Variants in TBC1D22A observed in about 807,000 individuals in gnomAD.
The protein encoded by TBC1D22A is putative GTPase activator.
In TBC1D22A, 38 loss-of-function variants were observed where a neutral mutation model predicts 60.2. That is an observed-to-expected ratio of 0.63 (90% CI 0.49 to 0.83). The LOEUF (loss-of-function observed/expected upper bound fraction) is 0.83. TBC1D22A is among the 40% of genes least tolerant of loss of function. TBC1D22A has a pLI of 0.00. For missense variants in TBC1D22A, 628 were observed against 701.0 expected, an observed-to-expected ratio of 0.90 and a Z score of 1.18; for synonymous variants, 302 against 281.7, an observed-to-expected ratio of 1.07 and a Z score of -0.72.
At chr22:46,880,224 A>C (rs1199224874) in intron 5 of TBC1D22A, among the ~76,000 whole-genome samples, 1 of 152,242 alleles carries the variant, frequency 6.6e-6, no homozygotes, top group Non-Finnish European at 1.5e-5. Context: ...CCATCAGTAC[A>C]TGTAAGAAGT....
chr22:47,139,858 C>T (rs1601642106), intron 12 of TBC1D22A, among the ~76,000 whole-genome samples: 1 of 152,256 alleles, frequency 6.6e-6, no homozygotes, highest in Non-Finnish European at 1.5e-5. Flanking sequence ...TTAATTCCTG[C>T]CAGTCCGTGA....
intron 4 of TBC1D22A, among the ~76,000 whole-genome samples, chr22:46,804,450 AC>A (rs1301544129): frequency 6.6e-6 from 1 of 152,172 alleles, no homozygotes; most frequent in African/African-American, 2.4e-5. Flanking sequence ...ATCAGTTCTT[AC>A]CAGTTTTTCA....
chr22:47,032,717 G>A (rs28413116), intron 10 of TBC1D22A, among the ~76,000 whole-genome samples: 4,546 of 152,324 alleles, frequency 0.03, 111 homozygotes, highest in South Asian at 0.087. Context: ...CAGTGTGGCC[G>A]TGTGTCCCAG....
At chr22:47,046,390 G>A (rs1032377906) in intron 11 of TBC1D22A, among the ~76,000 whole-genome samples, 15 of 152,194 alleles carry the variant, frequency 9.9e-5, no homozygotes, top group Non-Finnish European at 1.5e-5. Context: ...GGCAGTCTAG[G>A]AATGCTTTGG....
At chr22:46,860,486 C>G (rs1352529752) in intron 4 of TBC1D22A, among the ~76,000 whole-genome samples, 1 of 103,350 alleles carries the variant, frequency 9.7e-6, no homozygotes, top group Non-Finnish European at 1.9e-5. Flanking sequence ...TGTGCCCCTT[C>G]CCGGGACCAG....
At chr22:47,133,202 G>A (rs187486217) in intron 12 of TBC1D22A, among the ~76,000 whole-genome samples, 12 of 152,360 alleles carry the variant, frequency 7.9e-5, no homozygotes, top group Admixed American at 7.8e-4. Context: ...TCCCAAGTGT[G>A]CACAGGGACA....
At chr22:46,864,186 G>T (rs942878708) in intron 4 of TBC1D22A, among the ~76,000 whole-genome samples, 1 of 152,190 alleles carries the variant, frequency 6.6e-6, no homozygotes, top group African/African-American at 2.4e-5. Context: ...TAAAGCTAGA[G>T]AAGTTATTTT....
chr22:47,024,964 T>A (rs1238333013), intron 10 of TBC1D22A, among the ~76,000 whole-genome samples: 1 of 152,210 alleles, frequency 6.6e-6, no homozygotes, highest in Non-Finnish European at 1.5e-5. Context: ...AAAACGGTAA[T>A]GTCTATATTA....
chr22:46,954,702 G>T (rs1210413165), intron 8 of TBC1D22A, among the ~76,000 whole-genome samples: 1 of 152,168 alleles, frequency 6.6e-6, no homozygotes, highest in Non-Finnish European at 1.5e-5. Flanking sequence ...CGTTTGGGCT[G>T]GAGTGAAATG....
At chr22:47,083,988 A>G (rs1000563160) in intron 11 of TBC1D22A, among the ~76,000 whole-genome samples, 2 of 152,168 alleles carry the variant, frequency 1.3e-5, no homozygotes, top group Non-Finnish European at 2.9e-5. Flanking sequence ...AAGAGGCAAA[A>G]TAGGAGTGAT....
At position 46,774,193 on chromosome 22, in the gene TBC1D22A, C is replaced by G. The variant is rs879899144; in HGVS notation, c.62+11345C>G. 495 of 985,542 alleles carry G rather than the reference C, an allele frequency of 5.0e-4. 1 individual carries two copies. The highest frequency in any genetic ancestry group is 5.8e-4 in the Non-Finnish European group (480 of 830,014). 61.0% of individuals were successfully genotyped at this position (985,542 alleles called of 1,614,324 possible). On this transcript the variant is annotated intron_variant, in intron 1 of 12. Transcript: ENST00000337137. ...CTGGCTCCTCCAGGCTGGGGGAAAA[C>G]CAGGCTTGCTGTGCTCGGCAGCAGA...
At chr22:46,973,906 C>G (rs2074180743) in intron 8 of TBC1D22A, among the ~76,000 whole-genome samples, 1 of 152,082 alleles carries the variant, frequency 6.6e-6, no homozygotes, top group Non-Finnish European at 1.5e-5. Context: ...GAATTATTGC[C>G]AAATGAATAT....
chr22:47,017,578 G>C (rs776548938), intron 10 of TBC1D22A, among the ~76,000 whole-genome samples: 4 of 152,172 alleles, frequency 2.6e-5, no homozygotes, highest in Non-Finnish European at 4.4e-5. Context: ...TGTGCCATGG[G>C]AATGCCAGGT....
intron 8 of TBC1D22A, among the ~76,000 whole-genome samples, chr22:46,945,856 A>T (rs368664301): frequency 6.6e-6 from 1 of 152,326 alleles, no homozygotes. Context: ...AGCTCAAAAT[A>T]AATGGCAGTG....
chr22:46,861,552 A>G (rs2087887720), intron 4 of TBC1D22A, among the ~76,000 whole-genome samples: 1 of 151,948 alleles, frequency 6.6e-6, no homozygotes, highest in African/African-American at 2.4e-5. Flanking sequence ...GTGGTTCTTG[A>G]ATTTGTCTCT....
intron 8 of TBC1D22A, among the ~76,000 whole-genome samples, chr22:46,918,357 G>A (rs1041790794): frequency 2.6e-5 from 4 of 152,208 alleles, no homozygotes; most frequent in Non-Finnish European, 4.4e-5. Flanking sequence ...CCCACACAGC[G>A]ATGTCCTCCA....
At chr22:47,049,257 C>T (rs1437606383) in intron 11 of TBC1D22A, among the ~76,000 whole-genome samples, 1 of 152,182 alleles carries the variant, frequency 6.6e-6, no homozygotes, top group African/African-American at 2.4e-5. Flanking sequence ...TGACATTTTC[C>T]GATATTAACC....
chr22:47,035,231 G>T lies in TBC1D22A; in HGVS notation c.1202-1840G>T, dbSNP rs142169336. Among the ~76,000 whole-genome samples the T allele has an allele frequency of 1.6e-3, 240 of 152,320 alleles. 2 individuals are homozygous for T. Among genetic ancestry groups the T allele is most frequent in the Middle Eastern group, 3.4e-3 (1 of 294 alleles). On this transcript the variant is annotated intron_variant, in intron 10 of 12. Transcript: ENST00000337137. ...CCACCCCCGCCTGCCTCCGGGGCCT[G>T]CCTGGCCTGCTTGTACCTGCTCTCT...
intron 12 of TBC1D22A, among the ~76,000 whole-genome samples, chr22:47,163,595 C>T (rs1368250554): frequency 6.6e-6 from 1 of 152,124 alleles, no homozygotes; most frequent in Non-Finnish European, 1.5e-5. Context: ...GCTGTGGGAG[C>T]CTGAACAGCC....
Sources: allele counts gnomAD v4.1 joint callset (sites outside exome capture counted in the v4.1 genomes callset), GRCh38; gene constraint gnomAD v4.1.1; transcripts MANE v1.5; gene names NCBI Gene and HGNC (gene_info 2026-07-23, HGNC 2026-07-21).